The following AKAP9 variants were observed in gnomAD, a reference collection of about 807,000 sequenced individuals.
The protein encoded by AKAP9 is A-kinase anchoring protein 9.
A neutral mutation model predicts 488.5 loss-of-function variants in AKAP9; 311 were observed. The observed-to-expected ratio is 0.64, with a 90% CI of 0.58 to 0.70. AKAP9 has a LOEUF of 0.70. AKAP9 is among the 30% of genes least tolerant of loss of function. The pLI, the probability that AKAP9 is intolerant of heterozygous loss-of-function variation, is 0.00. For synonymous variants in AKAP9, 1,462 were observed against 1,483.5 expected (o/e 0.99, Z 0.33); for missense variants, 4,215 against 4,374.5 (o/e 0.96, Z 1.03).
chr7:92,110,000 GA>G, intron 49 of AKAP9, 121 bp from the exon 50 acceptor site: 14 of 773,058 alleles, frequency 1.8e-5, no homozygotes, highest in South Asian at 4.5e-5. Flanking sequence ...ACATTTTAAG[GA>G]AAAAAAGGGC....
chr7:91,945,834 G>T (rs1317825937), intron 1 of AKAP9, among the ~76,000 whole-genome samples: 1 of 151,978 alleles, frequency 6.6e-6, no homozygotes, highest in Non-Finnish European at 1.5e-5. Flanking sequence ...ATTATTCATG[G>T]CACGTAAAGG....
At chr7:91,989,137 C>G (rs568878785) in intron 3 of AKAP9, among the ~76,000 whole-genome samples, 3 of 125,370 alleles carry the variant, frequency 2.4e-5, no homozygotes, top group Admixed American at 2.3e-4. Flanking sequence ...ATGATGATTC[C>G]CTTAATAAAT....
intron 21 of AKAP9, among the ~76,000 whole-genome samples, chr7:92,045,830 CTTTTTTTTTT>C (rs35346628): frequency 9.2e-6 from 1 of 108,914 alleles, no homozygotes; most frequent in Non-Finnish European, 1.9e-5. Flanking sequence ...CTTTCCGTTT[CTTTTTTTTTT>C]TTTTTTTTTT....
chr7:92,063,215 C>G (rs1317603488), intron 24 of AKAP9, among the ~76,000 whole-genome samples: 3 of 152,108 alleles, frequency 2.0e-5, no homozygotes, highest in Admixed American at 2.0e-4. Context: ...AGTGAAGTTT[C>G]TTCCAGCTGC....
chr7:92,012,900 G>A (rs1800945415), intron 9 of AKAP9, among the ~76,000 whole-genome samples: 1 of 151,150 alleles, frequency 6.6e-6, no homozygotes, highest in African/African-American at 2.4e-5. Flanking sequence ...AAGAATGGGA[G>A]GAGAAAGGAG....
intron 22 of AKAP9, chr7:92,058,476 T>C: frequency 2.4e-6 from 1 of 410,074 alleles, no homozygotes; most frequent in Admixed American, 3.2e-5. Flanking sequence ...TTTGAGTGTC[T>C]ATATTAAGGC....
chr7:92,012,744 G>A (rs1374149591), intron 9 of AKAP9, 102 bp downstream of exon 9: 2 of 966,702 alleles, frequency 2.1e-6, no homozygotes, highest in African/African-American at 3.3e-5. Context: ...ACAGAGGAAG[G>A]TGATTTGTTT....
chr7:91,988,437 C>T (rs1797369910), intron 3 of AKAP9, among the ~76,000 whole-genome samples: 1 of 151,784 alleles, frequency 6.6e-6, no homozygotes. Flanking sequence ...CACCACTGCA[C>T]TCCAGCCTGT....
At chr7:91,948,605 CTTTTTTTTTT>C (rs55928500) in intron 1 of AKAP9, among the ~76,000 whole-genome samples, 98 of 107,558 alleles carry the variant, frequency 9.1e-4, no homozygotes, top group South Asian at 2.0e-3. Context: ...TTGTAGATTT[CTTTTTTTTTT>C]TTTTTTTTTT....
At chr7:91,982,569 A>G (rs2130598321) in intron 3 of AKAP9, among the ~76,000 whole-genome samples, 1 of 151,976 alleles carries the variant, frequency 6.6e-6, no homozygotes, top group African/African-American at 2.4e-5. Context: ...TATGTGCCAC[A>G]TTTTCTTTAT....
At chr7:91,941,498 A>G (rs947716095) in intron 1 of AKAP9, among the ~76,000 whole-genome samples, 2 of 152,080 alleles carry the variant, frequency 1.3e-5, no homozygotes, top group Non-Finnish European at 2.9e-5. Context: ...TGGGTGGTGC[A>G]GGCATTGTGC....
chr7:91,948,819 G>A (rs1791837024), intron 1 of AKAP9, among the ~76,000 whole-genome samples: 1 of 151,504 alleles, frequency 6.6e-6, no homozygotes, highest in South Asian at 2.1e-4. Flanking sequence ...TCACCATGTT[G>A]GCCAGGCTGG....
Position 92,097,930 on chromosome 7 carries a change from C to T in AKAP9, c.10607+136C>T, listed in dbSNP as rs574048767. 18 of 957,524 alleles carry T rather than the reference C, an allele frequency of 1.9e-5. No homozygotes were observed. The African/African-American group carries it at 2.6e-4, about 14-fold the overall frequency. The allele number at this position is 957,524 out of a possible 1,614,324, so 59.3% of individuals were successfully genotyped here. ...CGTGTTTACATTAGGAGGTGATATT[C>T]TTTAACAGAACTCAAATGTCTGAAA... On this transcript the variant is annotated intron_variant, in intron 42 of 49. Transcript: ENST00000356239.
intron 3 of AKAP9, among the ~76,000 whole-genome samples, chr7:91,988,218 A>G (rs892992013): frequency 2.1e-5 from 3 of 145,650 alleles, no homozygotes; most frequent in Non-Finnish European, 4.5e-5. Flanking sequence ...AAGAATAAGT[A>G]TCTTTCCAAA....
rs964542057 is a variant in AKAP9 at position 92,103,842 on chromosome 7, T to C, written c.11330+1016T>C. ...CTTCATTGCTAAGATAACCCACTTT[T>C]GGTGCCCAGTTATGGAAGGTCCTTT... On this transcript the variant is annotated intron_variant, in intron 46 of 49. Transcript: ENST00000356239. Among the ~76,000 whole-genome samples, 35 of 152,360 alleles carry C rather than the reference T, an allele frequency of 2.3e-4. 1 individual carries two copies. The highest frequency in any genetic ancestry group is 6.8e-3 in the Middle Eastern group (2 of 294).
chr7:91,994,781 G>A lies in AKAP9; in HGVS notation c.732+5G>A. The A allele has an allele frequency of 6.2e-7, 1 of 1,606,486 alleles. No individual in the cohort carries two copies. On this transcript the variant is annotated splice_donor_5th_base_variant and intron_variant, in intron 6 of 49. Coordinates refer to ENST00000356239, the MANE Select transcript of AKAP9 (RefSeq NM_005751.5). ...TTACAGATTCAATTTCAGCAAGTAA[G>A]TATTACTAATGCAACAAAATTCATT...
intron 44 of AKAP9, among the ~76,000 whole-genome samples, chr7:92,100,609 T>C (rs1028984621): frequency 6.6e-6 from 1 of 152,260 alleles, no homozygotes; most frequent in African/African-American, 2.4e-5. Context: ...AAAGCTCTGC[T>C]AATCTGCTAA....
chr7:92,046,213 G>C (rs189913169), intron 21 of AKAP9, among the ~76,000 whole-genome samples: 149 of 152,188 alleles, frequency 9.8e-4, no homozygotes, highest in Non-Finnish European at 1.9e-3. Flanking sequence ...TTGTAGGAGA[G>C]GGAAATGAGG....
At position 92,070,091 on chromosome 7, in the gene AKAP9, C is replaced by A. The variant is rs1180706651; in HGVS notation, c.6392C>A (p.Ser2131Tyr). 2.5e-6 allele frequency: 4 copies of A among 1,613,740 alleles called. No individual in the cohort carries two copies. Among genetic ancestry groups the A allele is most frequent in the Non-Finnish European group, 3.4e-6 (4 of 1,179,892 alleles). The change falls in exon 27 of 50, where the codon TCT (serine) becomes TAT (tyrosine). Residue 2131 changes from serine (S) to tyrosine (Y), a missense_variant. Ser to Tyr is a moderately radical substitution (Grantham distance 144, BLOSUM62 -2). Coordinates refer to ENST00000356239, the MANE Select transcript of AKAP9 (RefSeq NM_005751.5). ...KTDKCSELLL[S>Y]KEQLQRDIQE... ...GACAAATGCAGTGAGCTTTTGCTCT[C>A]TAAAGAGCAGCTTCAAAGGGATATA... is the stretch of plus-strand genomic sequence containing the variant.
Sources: allele counts gnomAD v4.1 joint callset (sites outside exome capture counted in the v4.1 genomes callset), GRCh38; gene constraint gnomAD v4.1.1; transcripts MANE v1.5; gene names NCBI Gene and HGNC (gene_info 2026-07-23, HGNC 2026-07-21).